CADPS2: variants seen among roughly 807,000 people sequenced by gnomAD.
The protein encoded by CADPS2 is calcium dependent secretion activator 2, also known as calcium-dependent secretion activator 2.
CADPS2 carries 93 observed loss-of-function variants against 172.5 expected under a neutral mutation model. The ratio of observed to expected loss-of-function variants is 0.54; its 90% CI spans 0.46 to 0.64. CADPS2 has a LOEUF of 0.64. Ranked by LOEUF, CADPS2 falls within the 30% of genes least tolerant of loss-of-function variation. CADPS2 has a pLI of 0.00. For synonymous variants in CADPS2, 546 were observed against 555.2 expected (o/e 0.98, Z 0.23); for missense variants, 1,420 against 1,565.9 (o/e 0.91, Z 1.57).
intron 6 of CADPS2, among the ~76,000 whole-genome samples, chr7:122,610,322 G>T (rs1022724113): frequency 1.4e-5 from 2 of 141,142 alleles, no homozygotes; most frequent in Non-Finnish European, 1.6e-5. Context: ...TTTACTATTT[G>T]TAAAAAAAAA....
At chr7:122,403,253 A>G (rs1390509789) in intron 20 of CADPS2, among the ~76,000 whole-genome samples, 1 of 152,210 alleles carries the variant, frequency 6.6e-6, no homozygotes, top group Non-Finnish European at 1.5e-5. Context: ...GGTAAAAGTC[A>G]CTGCATTTTA....
Position 122,474,366 on chromosome 7 carries a change from T to C in CADPS2, c.1998+15A>G. Reference sequence around the variant, plus strand: ...TTATTCCAACTTATAGGGGACTAGATAGACTTGTACTCACCAAGCAAGAAT... The same window carrying C: ...TTATTCCAACTTATAGGGGACTAGACAGACTTGTACTCACCAAGCAAGAAT... On this transcript the variant is annotated intron_variant, in intron 13 of 29. Transcript: ENST00000449022. 1.2e-6 allele frequency: 2 copies of C among 1,611,958 alleles called. No individual in the cohort carries two copies. Among genetic ancestry groups the C allele is most frequent in the African/African-American group, 1.3e-5 (1 of 74,954 alleles).
chr7:122,769,317 GGATA>G (rs920810108), intron 1 of CADPS2, among the ~76,000 whole-genome samples: 7 of 152,288 alleles, frequency 4.6e-5, no homozygotes, highest in African/African-American at 1.4e-4. Context: ...ATTCCTAACA[GGATA>G]GATAGAGCTT....
At chr7:122,790,013 A>T (rs1794906071) in intron 1 of CADPS2, among the ~76,000 whole-genome samples, 1 of 151,696 alleles carries the variant, frequency 6.6e-6, no homozygotes, top group Admixed American at 6.6e-5. Flanking sequence ...AAGAATAGGC[A>T]AACAAATATT....
chr7:122,515,041 A>G (rs767179203), intron 8 of CADPS2, among the ~76,000 whole-genome samples: 11 of 152,096 alleles, frequency 7.2e-5, no homozygotes, highest in Non-Finnish European at 1.3e-4. Flanking sequence ...CAGGGGGGAG[A>G]AAAAAACATG....
Position 122,656,845 on chromosome 7 carries a change from G to A in CADPS2, c.786+6392C>T, listed in dbSNP as rs184603560. Among the ~76,000 whole-genome samples, 110 of 152,288 alleles carry A rather than the reference G, an allele frequency of 7.2e-4. No homozygotes were observed. In the South Asian group the frequency reaches 7.5e-3, roughly 10 times the overall value. On this transcript the variant is annotated intron_variant, in intron 3 of 29. Coordinates refer to ENST00000449022, the MANE Select transcript of CADPS2 (RefSeq NM_017954.11). Reference sequence around the variant, plus strand: ...CCATTTGTCAATTTTGGCTTTTGACGCCATTGCTTCTGGTGTTTTAGACAT... The same window carrying A: ...CCATTTGTCAATTTTGGCTTTTGACACCATTGCTTCTGGTGTTTTAGACAT...
At chr7:122,541,645 A>C (rs1374821908) in intron 8 of CADPS2, among the ~76,000 whole-genome samples, 2 of 145,374 alleles carry the variant, frequency 1.4e-5, no homozygotes, top group African/African-American at 5.0e-5. Flanking sequence ...ATATTCATAT[A>C]TATTCATATC....
intron 1 of CADPS2, among the ~76,000 whole-genome samples, chr7:122,885,699 C>T (rs1002294731): frequency 3.4e-4 from 51 of 152,130 alleles, no homozygotes; most frequent in African/African-American, 1.2e-3. Context: ...CTAATCCGGC[C>T]AGAGCTGCGC....
chr7:122,760,129 G>T (rs1386595269), intron 1 of CADPS2, among the ~76,000 whole-genome samples: 1 of 151,740 alleles, frequency 6.6e-6, no homozygotes, highest in African/African-American at 2.4e-5. Context: ...CATAGATATA[G>T]ACACACTGTA....
chr7:122,670,279 C>A (rs1359124016), intron 2 of CADPS2, among the ~76,000 whole-genome samples: 9 of 152,090 alleles, frequency 5.9e-5, no homozygotes. Context: ...GGTCCCACTT[C>A]AAAAATGTCT....
intron 28 of CADPS2, among the ~76,000 whole-genome samples, chr7:122,342,895 A>G (rs766779961): frequency 6.6e-6 from 1 of 152,196 alleles, no homozygotes; most frequent in Non-Finnish European, 1.5e-5. Flanking sequence ...TAAGGTTGCT[A>G]ACAGTATTTA....
chr7:122,477,032 G>T (rs1586438523), intron 12 of CADPS2, among the ~76,000 whole-genome samples: 1 of 99,804 alleles, frequency 1.0e-5, no homozygotes, highest in African/African-American at 5.0e-5. Flanking sequence ...GGAGAGGAGA[G>T]GAGAGGAGAG....
intron 2 of CADPS2, among the ~76,000 whole-genome samples, chr7:122,706,572 C>T (rs921903073): frequency 6.9e-6 from 1 of 145,168 alleles, no homozygotes; most frequent in Non-Finnish European, 1.5e-5. Context: ...TTGTTAACAG[C>T]GAATATGTAT....
At chr7:122,356,306 A>AT (rs112399631) in intron 27 of CADPS2, among the ~76,000 whole-genome samples, 2 of 152,028 alleles carry the variant, frequency 1.3e-5, no homozygotes, top group African/African-American at 4.8e-5. Context: ...GATATGTCTG[A>AT]TTTTTTTTGA....
chr7:122,640,273 G>T (rs1274967423), intron 3 of CADPS2, among the ~76,000 whole-genome samples: 2 of 152,164 alleles, frequency 1.3e-5, no homozygotes, highest in African/African-American at 2.4e-5. Context: ...CTGTGGCCAG[G>T]TCTTTCTCTC....
intron 3 of CADPS2, among the ~76,000 whole-genome samples, chr7:122,652,084 T>C (rs2079210369): frequency 6.6e-6 from 1 of 152,200 alleles, no homozygotes; most frequent in African/African-American, 2.4e-5. Flanking sequence ...CATCTACTCA[T>C]TTTGGAGAAC....
chr7:122,762,070 G>A (rs915778326), intron 1 of CADPS2, among the ~76,000 whole-genome samples: 4 of 148,464 alleles, frequency 2.7e-5, no homozygotes, highest in African/African-American at 9.9e-5. Context: ...ATATTTATGT[G>A]TGTATATATA....
At chr7:122,870,661 G>A (rs1287612239) in intron 1 of CADPS2, among the ~76,000 whole-genome samples, 2 of 152,026 alleles carry the variant, frequency 1.3e-5, no homozygotes, top group African/African-American at 4.8e-5. Context: ...ATAAGTTGGT[G>A]AGGTGATGGA....
chr7:122,611,431 A>G (rs1036420968), intron 6 of CADPS2, among the ~76,000 whole-genome samples: 10 of 152,242 alleles, frequency 6.6e-5, no homozygotes, highest in Admixed American at 2.0e-4. Context: ...ATGTGTAACA[A>G]TAAATTAGAG....
Sources: gnomAD v4.1 joint callset for allele counts (sites outside exome capture counted in the v4.1 genomes callset) on GRCh38, gnomAD v4.1.1 for gene constraint, MANE v1.5 for transcripts, NCBI Gene and HGNC (gene_info 2026-07-23, HGNC 2026-07-21) for gene names.